The following NR1H4 variants were observed in gnomAD, a reference collection of about 807,000 sequenced individuals.
The protein encoded by NR1H4 is nuclear receptor subfamily 1 group H member 4.
A neutral mutation model predicts 58.5 loss-of-function variants in NR1H4; 23 were observed. That is an observed-to-expected ratio of 0.39 (90% CI 0.28 to 0.56). The LOEUF is 0.56. Among genes scored for constraint, NR1H4 ranks in the 20% least tolerant of loss-of-function variants. NR1H4 has a pLI of 0.58. For missense variants in NR1H4, 487 were observed against 576.9 expected (o/e 0.84, Z 1.60); for synonymous variants, 214 against 198.0 (o/e 1.08, Z -0.68).
intron 8 of NR1H4, among the ~76,000 whole-genome samples, chr12:100,539,224 GAAAT>G (rs1371646730): frequency 6.6e-6 from 1 of 151,828 alleles, no homozygotes; most frequent in African/African-American, 2.4e-5. Flanking sequence ...AATATGGAAA[GAAAT>G]AAAAGGCAAA....
chr12:100,490,832 C>A (rs756139033), intron 1 of NR1H4, among the ~76,000 whole-genome samples: 2 of 152,152 alleles, frequency 1.3e-5, no homozygotes, highest in Non-Finnish European at 2.9e-5. Flanking sequence ...GCTCTGTCGT[C>A]CAGGCTGGAA....
At chr12:100,524,375 A>G (rs1954503207) in intron 4 of NR1H4, among the ~76,000 whole-genome samples, 1 of 152,142 alleles carries the variant, frequency 6.6e-6, no homozygotes, top group Non-Finnish European at 1.5e-5. Context: ...GAAACCCAGA[A>G]CACCCCTAGG....
At chr12:100,534,185 G>T (rs959090821) in intron 5 of NR1H4, among the ~76,000 whole-genome samples, 2 of 152,132 alleles carry the variant, frequency 1.3e-5, no homozygotes, top group Admixed American at 1.3e-4. Flanking sequence ...GAGCCACCGC[G>T]CCCGGCCTTA....
chr12:100,551,021 G>A (rs1215540140), intron 9 of NR1H4, among the ~76,000 whole-genome samples: 3 of 152,260 alleles, frequency 2.0e-5, no homozygotes, highest in African/African-American at 2.4e-5. Context: ...AAAAGAGTGC[G>A]AGGAAATTAA....
chr12:100,530,281 C>T (rs1054167256), intron 4 of NR1H4, among the ~76,000 whole-genome samples: 73 of 152,174 alleles, frequency 4.8e-4, no homozygotes, highest in Non-Finnish European at 2.8e-4. Context: ...ACCATGTGAT[C>T]ATGGCCAAGA....
At chr12:100,498,415 G>T (rs537700083) in intron 3 of NR1H4, among the ~76,000 whole-genome samples, 4 of 152,146 alleles carry the variant, frequency 2.6e-5, no homozygotes, top group Non-Finnish European at 5.9e-5. Context: ...AAGGCAGGCG[G>T]ATCACCAGAG....
intron 4 of NR1H4, among the ~76,000 whole-genome samples, chr12:100,530,357 C>T (rs1039179989): frequency 6.6e-6 from 1 of 152,130 alleles, no homozygotes; most frequent in African/African-American, 2.4e-5. Flanking sequence ...CTATCTTCAT[C>T]ATAAAATTGA....
At chr12:100,477,260 T>C (rs1953290459) in intron 1 of NR1H4, among the ~76,000 whole-genome samples, 1 of 152,078 alleles carries the variant, frequency 6.6e-6, no homozygotes, top group Non-Finnish European at 1.5e-5. Context: ...CAAAGTAAAA[T>C]TGCAAATATT....
intron 3 of NR1H4, among the ~76,000 whole-genome samples, chr12:100,507,727 T>C (rs1387678602): frequency 6.6e-6 from 1 of 152,166 alleles, no homozygotes; most frequent in Non-Finnish European, 1.5e-5. Flanking sequence ...CCTCCCAAAG[T>C]GCTGGGATTA....
At chr12:100,540,544 C>T in intron 8 of NR1H4, 128 bp from the exon 9 acceptor site, 1 of 977,804 alleles carries the variant, frequency 1.0e-6, no homozygotes, top group Non-Finnish European at 1.6e-6. Context: ...TACAAATGGA[C>T]TCAACTAGAC....
chr12:100,539,439 CCCTTTCCTCAAAGAAG>C (rs1555336002), intron 8 of NR1H4, among the ~76,000 whole-genome samples: 1 of 152,026 alleles, frequency 6.6e-6, no homozygotes, highest in Non-Finnish European at 1.5e-5. Context: ...AAGACAGGGC[CCCTTTCCTCAAAGAAG>C]CTCTTAGATT....
intron 4 of NR1H4, among the ~76,000 whole-genome samples, chr12:100,526,525 C>T (rs1233550383): frequency 3.9e-5 from 6 of 152,284 alleles, no homozygotes; most frequent in Non-Finnish European, 7.4e-5. Context: ...ACAACTCTCC[C>T]GGCTGATGTG....
intron 4 of NR1H4, among the ~76,000 whole-genome samples, chr12:100,529,796 G>A (rs549377799): frequency 3.9e-4 from 60 of 152,134 alleles, no homozygotes; most frequent in African/African-American, 1.4e-3. Context: ...CCTTTTCTTC[G>A]GGGCGCTTGA....
chr12:100,512,489 A>G (rs150874517), intron 4 of NR1H4, among the ~76,000 whole-genome samples: 1 of 152,006 alleles, frequency 6.6e-6, no homozygotes, highest in African/African-American at 2.4e-5. Context: ...AAATACAAAA[A>G]AATTAGCTGG....
chr12:100,511,263 T>C (rs1054932584), intron 4 of NR1H4, 120 bp downstream of exon 4: 6 of 1,138,862 alleles, frequency 5.3e-6, no homozygotes, highest in Non-Finnish European at 7.9e-6. Context: ...CCTGTGCGCC[T>C]ACCTCCTCCT....
At chr12:100,553,223 C>T (rs1454520205) in intron 9 of NR1H4, among the ~76,000 whole-genome samples, 1 of 152,148 alleles carries the variant, frequency 6.6e-6, no homozygotes, top group African/African-American at 2.4e-5. Flanking sequence ...TGGTCTTGAT[C>T]TCTTGACCTT....
At chr12:100,505,301 G>T (rs1024373221) in intron 3 of NR1H4, among the ~76,000 whole-genome samples, 7 of 152,178 alleles carry the variant, frequency 4.6e-5, no homozygotes. Context: ...GGGTACAGTG[G>T]TTCTGGTCCC....
intron 3 of NR1H4, among the ~76,000 whole-genome samples, chr12:100,509,069 G>T (rs1379242825): frequency 6.6e-6 from 1 of 152,168 alleles, no homozygotes; most frequent in Non-Finnish European, 1.5e-5. Context: ...CAGGGTTTCA[G>T]ATAAGGAACT....
chr12:100,495,981 C>T (rs1355962357), intron 3 of NR1H4, among the ~76,000 whole-genome samples: 1 of 152,114 alleles, frequency 6.6e-6, no homozygotes, highest in Non-Finnish European at 1.5e-5. Context: ...AGGGTTAATC[C>T]ATGGGTTCAA....
Sources: allele counts gnomAD v4.1 joint callset (sites outside exome capture counted in the v4.1 genomes callset), GRCh38; gene constraint gnomAD v4.1.1; transcripts MANE v1.5; gene names NCBI Gene and HGNC (gene_info 2026-07-23, HGNC 2026-07-21).